Variants in DIS3L2 observed in about 807,000 individuals in gnomAD.
The protein encoded by DIS3L2 is DIS3 like 3'-5' exoribonuclease 2, also known as DIS3-like exonuclease 2.
In DIS3L2, 34 loss-of-function variants were observed where a neutral mutation model predicts 97.5. The ratio of observed to expected loss-of-function variants is 0.35; its 90% CI spans 0.27 to 0.46. The LOEUF (loss-of-function observed/expected upper bound fraction) is 0.46, where lower values mean the gene tolerates loss of function less well. Ranked by LOEUF, DIS3L2 falls within the 20% of genes least tolerant of loss-of-function variation. DIS3L2 has a pLI of 1.00. For missense variants in DIS3L2, 1,038 were observed against 1,146.0 expected, an observed-to-expected ratio of 0.91 and a Z score of 1.36; for synonymous variants, 435 against 445.2, an observed-to-expected ratio of 0.98 and a Z score of 0.29.
rs1464312068 is a variant in DIS3L2 at position 232,276,804 on chromosome 2, A to T, written c.1659+13364A>T. On this transcript the variant is annotated intron_variant, in intron 13 of 20. Transcript: ENST00000325385. This position sits in a 1 kb window ranked among gnomAD's most constrained non-coding sequence, Gnocchi z 4.4. ...TCCTTGTCAGTGAAATGGAGAGCAT[A>T]ACAGTACCTACGTTATAGGAATATT... 6.6e-6 allele frequency among the ~76,000 whole-genome samples: 1 copy of T among 152,210 alleles called. No homozygotes were observed. The highest frequency in any genetic ancestry group is 1.5e-5 in the Non-Finnish European group (1 of 68,040).
rs760365010 is a variant in DIS3L2, at chr2:232,238,561, T to C, written c.1233T>C (p.Ala411=). Residue 411 remains alanine, a synonymous_variant, in exon 11 of 21, where the codon GCT becomes GCC. Coordinates refer to ENST00000325385, the MANE Select transcript of DIS3L2 (RefSeq NM_152383.5). ...ACTTCAAAGTGGGAGTTCACATTGC[T>C]GACGTGAGTTACTTTGTTCCGGAGG... ...DGNFKVGVHI[A]DVSYFVPEGS... is the part of the protein sequence containing the mutation. 6.2e-7 allele frequency: 1 copy of C among 1,614,212 alleles called. No individual in the cohort carries two copies. Among genetic ancestry groups the C allele is most frequent in the Non-Finnish European group, 8.5e-7 (1 of 1,180,024 alleles).
At chr2:232,239,449 AG>A (rs1693020921) in intron 11 of DIS3L2, among the ~76,000 whole-genome samples, 1 of 152,216 alleles carries the variant, frequency 6.6e-6, no homozygotes, top group Non-Finnish European at 1.5e-5. Flanking sequence ...GAATTCTGCC[AG>A]GTTTCTTTCT....
intron 10 of DIS3L2, among the ~76,000 whole-genome samples, chr2:232,215,316 T>C (rs555820461): frequency 6.6e-6 from 1 of 152,192 alleles, no homozygotes; most frequent in Non-Finnish European, 1.5e-5. Context: ...TGCTGCCCGC[T>C]CACATTTCCC....
intron 6 of DIS3L2, among the ~76,000 whole-genome samples, chr2:232,127,953 A>C (rs1311934711): frequency 6.6e-6 from 1 of 151,572 alleles, no homozygotes; most frequent in Non-Finnish European, 1.5e-5. Context: ...CATTTATTAC[A>C]GTTTTTATTT....
intron 5 of DIS3L2, among the ~76,000 whole-genome samples, chr2:232,083,496 C>CTTCT (rs1696474057): frequency 7.2e-6 from 1 of 138,694 alleles, no homozygotes; most frequent in African/African-American, 2.7e-5. Flanking sequence ...TCTTCTTCTT[C>CTTCT]TTTTTTTTTT....
chr2:232,255,962 A>T (rs1693551559), intron 12 of DIS3L2, among the ~76,000 whole-genome samples: 1 of 152,104 alleles, frequency 6.6e-6, no homozygotes, highest in African/African-American at 2.4e-5. Context: ...ACCGGCACTA[A>T]TACCTGCGTC....
intron 12 of DIS3L2, among the ~76,000 whole-genome samples, chr2:232,251,762 A>G (rs1180972815): frequency 6.6e-6 from 1 of 152,248 alleles, no homozygotes; most frequent in Admixed American, 6.5e-5. Context: ...GATGACAGTG[A>G]AGCAAAGCTT....
At chr2:232,182,912 A>G (rs956851667) in intron 9 of DIS3L2, among the ~76,000 whole-genome samples, 5 of 151,724 alleles carry the variant, frequency 3.3e-5, no homozygotes, top group African/African-American at 9.7e-5. Context: ...TCTGCTGTTC[A>G]TTTTCTGACT....
In DIS3L2 at chr2:232,300,049, G is replaced by A; in HGVS notation, c.1669G>A (p.Ala557Thr). The change falls in exon 14 of 21, where the codon GCT (alanine) becomes ACT (threonine). Residue 557 changes from alanine to threonine, a missense_variant. Physicochemically the swap from Ala to Thr is moderately conservative, Grantham distance 58. Transcript: ENST00000325385. Reference sequence around the variant, plus strand: ...TTCTCTCTCTCTTCAGCTAAAGCTTGCTTTCACTCTGGACCACGAGACCGG... The same window carrying A: ...TTCTCTCTCTCTTCAGCTAAAGCTTACTTTCACTCTGGACCACGAGACCGG... ...GALRLDQLKL[A>T]FTLDHETGLP... 1 of 1,613,546 alleles carries A rather than the reference G, an allele frequency of 6.2e-7. No individual in the cohort carries two copies. The highest frequency in any genetic ancestry group is 2.2e-5 in the East Asian group (1 of 44,860).
intron 19 of DIS3L2, 86 bp from the exon 20 acceptor site, chr2:232,335,687 G>GC: frequency 6.9e-7 from 1 of 1,445,636 alleles, no homozygotes; most frequent in Admixed American, 2.0e-5. Context: ...GCTGAGGGCC[G>GC]CCTCCAAGCA....
chr2:232,159,668 A>G (rs549109244), intron 8 of DIS3L2, among the ~76,000 whole-genome samples: 1 of 152,066 alleles, frequency 6.6e-6, no homozygotes, highest in South Asian at 2.1e-4. Flanking sequence ...GTTAAATAGT[A>G]TTGGTGAAAA....
intron 1 of DIS3L2, among the ~76,000 whole-genome samples, chr2:232,007,163 G>T (rs1694074459): frequency 6.6e-6 from 1 of 152,100 alleles, no homozygotes; most frequent in Non-Finnish European, 1.5e-5. Context: ...AAGAATAATG[G>T]GTGTGTTAAA....
intron 1 of DIS3L2, among the ~76,000 whole-genome samples, chr2:231,979,755 T>A (rs1693198392): frequency 6.6e-6 from 1 of 152,130 alleles, no homozygotes; most frequent in Admixed American, 6.5e-5. Context: ...TTTTTGTATT[T>A]TTAGAAGAGA....
intron 1 of DIS3L2, among the ~76,000 whole-genome samples, chr2:231,977,026 C>T (rs1021432800): frequency 6.6e-6 from 1 of 152,172 alleles, no homozygotes; most frequent in African/African-American, 2.4e-5. Context: ...CTCAGCCTCC[C>T]ACGCCTGGGA....
At position 232,186,111 on chromosome 2, in the gene DIS3L2, G is replaced by A. The variant is rs529542630; in HGVS notation, c.1124+22479G>A. Among the ~76,000 whole-genome samples, 70 of 152,186 alleles carry A rather than the reference G, an allele frequency of 4.6e-4. 1 individual carries two copies. The highest frequency in any genetic ancestry group is 1.4e-3 in the African/African-American group (59 of 41,534). On this transcript the variant is annotated intron_variant, in intron 9 of 20. Transcript: ENST00000325385. The stretch of plus-strand genomic sequence containing the variant: ...CTCCCAAAGTGCTGGGATTATAGGC[G>A]TGAGCCACCATTCCCAGCCAAAAGC...
downstream of DIS3L2, among the ~76,000 whole-genome samples, chr2:232,341,817 T>C (rs1696106997): frequency 6.6e-6 from 1 of 152,280 alleles, no homozygotes; most frequent in East Asian, 1.9e-4. Flanking sequence ...CCTCTCTGTC[T>C]CTGGAAACCT....
At chr2:232,072,783 G>GGGGTGTGTGTGTGTGT (rs1401996898) in intron 5 of DIS3L2, among the ~76,000 whole-genome samples, 5 of 139,812 alleles carry the variant, frequency 3.6e-5, no homozygotes, top group African/African-American at 1.4e-4. Flanking sequence ...TGGGATGTGG[G>GGGGTGTGTGTGTGTGT]GTGTGTGTGT....
In DIS3L2 at chr2:232,334,416, G is replaced by A. The variant is rs1478310581; in HGVS notation, c.2206G>A (p.Ala736Thr). 1 of 1,613,766 alleles carries A rather than the reference G, an allele frequency of 6.2e-7. No individual in the cohort carries two copies. The highest frequency in any genetic ancestry group is 8.5e-7 in the Non-Finnish European group (1 of 1,180,002). The change falls in exon 18 of 21, where the codon GCG (alanine) becomes ACG (threonine). Residue 736 changes from alanine to threonine, a missense_variant. Ala to Thr is a moderately conservative substitution (Grantham distance 58). Around this residue, in one of 3 missense-constraint regions of DIS3L2, gnomAD observed 221 missense variants for 246.9 expected, o/e 0.90. Transcript: ENST00000325385. The part of the protein sequence containing the change: ...DMAPDTLQKQ[A>T]DHCNDRRMAS... ...GGCGCCCGATACCCTGCAGAAACAG[G>A]CGGACCACTGTAACGACCGCCGCAT...
chr2:232,184,069 T>A (rs1453191112), intron 9 of DIS3L2, among the ~76,000 whole-genome samples: 1 of 152,226 alleles, frequency 6.6e-6, no homozygotes, highest in African/African-American at 2.4e-5. Flanking sequence ...TCCTTGTTGA[T>A]ATTTAGCCAT....
Sources: allele counts gnomAD v4.1 joint callset (sites outside exome capture counted in the v4.1 genomes callset), GRCh38; gene constraint gnomAD v4.1.1; regional missense constraint gnomAD v4.1.1; non-coding constraint Gnocchi (gnomAD v3.1); transcripts MANE v1.5; gene names NCBI Gene and HGNC (gene_info 2026-07-23, HGNC 2026-07-21).